Variants in PCNT observed in about 807,000 individuals in gnomAD.
PCNT encodes kendrin.
Under a neutral mutation model 380.4 loss-of-function variants are expected in PCNT, and 319 were observed. The observed-to-expected ratio is 0.84, with a 90% CI of 0.77 to 0.92. The LOEUF (loss-of-function observed/expected upper bound fraction) is 0.92, where lower values mean the gene tolerates loss of function less well. Among genes scored for constraint, PCNT ranks in the 40% least tolerant of loss-of-function variants. The pLI is 0.00. For missense variants in PCNT, 4,400 were observed against 4,255.3 expected (o/e 1.03, Z -0.95); for synonymous variants, 1,845 against 1,735.2 (o/e 1.06, Z -1.57).
rs755446958 is a variant in PCNT at position 46,346,693 on chromosome 21, G to A, written c.721-50G>A. On this transcript the variant is annotated intron_variant, in intron 4 of 46. Coordinates refer to ENST00000359568, the MANE Select transcript of PCNT (RefSeq NM_006031.6). The stretch of plus-strand genomic sequence containing the variant: ...TCATGCTTCTGTGTCTCCCTGATGC[G>A]CCCTGGTTCTGACCATGGGCCCTTA... The A allele has an allele frequency of 7.0e-6, 11 of 1,566,446 alleles. No individual in the cohort carries two copies. The African/African-American group carries it at 1.1e-4, about 15-fold the overall frequency.
intron 2 of PCNT, among the ~76,000 whole-genome samples, chr21:46,327,916 T>G (rs1193929184): frequency 6.6e-6 from 1 of 152,212 alleles, no homozygotes; most frequent in South Asian, 2.1e-4. Context: ...GAGTGCACAC[T>G]GAGTCCTGAA....
At chr21:46,337,182 G>C (rs994666271) in intron 3 of PCNT, among the ~76,000 whole-genome samples, 12 of 151,954 alleles carry the variant, frequency 7.9e-5, no homozygotes, top group Admixed American at 7.9e-4. Flanking sequence ...TCACCATGTT[G>C]GTCAGGCTGG....
chr21:46,416,700 G>C lies in PCNT; in HGVS notation c.6782G>C (p.Gly2261Ala). The change falls in exon 30 of 47, where the codon GGG becomes GCG. Residue 2261 changes from glycine (G) to alanine (A), a missense_variant. Physicochemically the swap from Gly to Ala is moderately conservative, Grantham distance 60. Coordinates refer to ENST00000359568, the MANE Select transcript of PCNT (RefSeq NM_006031.6). Reference sequence around the variant, plus strand: ...CTGTGCAGTGCCGACACATCCCTGGGGGACAGGGCGGACACCTCGCTGCCA... The same window carrying C: ...CTGTGCAGTGCCGACACATCCCTGGCGGACAGGGCGGACACCTCGCTGCCA... ...LSLCSADTSL[G>A]DRADTSLPQT... 3 of 1,568,518 alleles carry C rather than the reference G, an allele frequency of 1.9e-6. No individual in the cohort carries two copies. The highest frequency in any genetic ancestry group is 2.6e-6 in the Non-Finnish European group (3 of 1,156,594).
At chr21:46,329,949 G>A (rs1456662995) in intron 2 of PCNT, among the ~76,000 whole-genome samples, 1 of 152,186 alleles carries the variant, frequency 6.6e-6, no homozygotes, top group East Asian at 1.9e-4. Flanking sequence ...CCTCTGCACA[G>A]TTACAGCTTG....
In PCNT at chr21:46,436,942, C is replaced by T. The variant is rs369581043; in HGVS notation, c.8997-37C>T. On this transcript the variant is annotated intron_variant, in intron 39 of 46. Transcript: ENST00000359568. ...AGTTTTGCATAATGGTCACTTGGGG[C>T]GCGTATGCAACTTTGAGTGCCCATT... 73 of 1,408,876 alleles carry T rather than the reference C, an allele frequency of 5.2e-5. 1 individual carries two copies. The highest frequency in any genetic ancestry group is 4.5e-4 in the South Asian group (39 of 87,070). 87.3% of individuals were successfully genotyped at this position (1,408,876 alleles called of 1,614,324 possible). A position where few individuals can be genotyped will look rare whatever the true frequency, so the allele number is the denominator to read the frequency against.
chr21:46,352,151 G>A (rs2084296298), intron 9 of PCNT, among the ~76,000 whole-genome samples: 1 of 152,252 alleles, frequency 6.6e-6, no homozygotes, highest in South Asian at 2.1e-4. Flanking sequence ...AGGAGGGTGA[G>A]CCACTGCGTG....
intron 15 of PCNT, among the ~76,000 whole-genome samples, chr21:46,378,436 G>A (rs528681117): frequency 1.8e-4 from 27 of 152,298 alleles, no homozygotes; most frequent in African/African-American, 4.1e-4. Context: ...AAGTAAAGGT[G>A]ACTTGAACAC....
rs1000578469 is a variant in PCNT, at chr21:46,388,962, C to G, written c.3607+78C>G. On this transcript the variant is annotated intron_variant, in intron 18 of 46. Transcript: ENST00000359568. This position sits in a 1 kb window ranked among gnomAD's most constrained non-coding sequence, Gnocchi z 4.2. The stretch of plus-strand genomic sequence containing the variant: ...TCCTGGAGCTCTCTGAGAGGAGCCT[C>G]CGTATTGGGCGATGCCCTTGGGAGC... 7.9e-6 allele frequency: 12 copies of G among 1,526,164 alleles called. No individual in the cohort carries two copies. The Middle Eastern group carries it at 9.2e-4, about 117-fold the overall frequency. The allele number at this position is 1,526,164 out of a possible 1,614,324, so 94.5% of individuals were successfully genotyped here.
chr21:46,324,742 C>A (rs924547575), intron 1 of PCNT: 14 of 355,862 alleles, frequency 3.9e-5, no homozygotes, highest in African/African-American at 2.2e-4. Flanking sequence ...CTGGGGCGGG[C>A]GGCCGGTATT....
At chr21:46,410,135 G>A (rs2086738499) in intron 27 of PCNT, among the ~76,000 whole-genome samples, 1 of 152,240 alleles carries the variant, frequency 6.6e-6, no homozygotes, top group Non-Finnish European at 1.5e-5. Context: ...CACACAGTAA[G>A]GCACGCGACG....
intron 1 of PCNT, among the ~76,000 whole-genome samples, chr21:46,325,558 A>G (rs2083361425): frequency 6.6e-6 from 1 of 152,206 alleles, no homozygotes; most frequent in Non-Finnish European, 1.5e-5. Flanking sequence ...TCTTGTGTAA[A>G]TGGCCTTGTG....
At chr21:46,426,033 G>A (rs890315418) in intron 33 of PCNT, 62 bp downstream of exon 33, 11 of 1,531,748 alleles carry the variant, frequency 7.2e-6, no homozygotes, top group South Asian at 4.5e-5. Context: ...GGTAATGGCC[G>A]CGTCCTTAGG....
At position 46,436,156 on chromosome 21, in the gene PCNT, C is replaced by T; in HGVS notation, c.8996+8C>T. On this transcript the variant is annotated splice_region_variant and intron_variant, in intron 39 of 46. Transcript: ENST00000359568. Reference sequence around the variant, plus strand: ...CAGCCAGGCCGTGGACAGGTGTGCACCCACGCCACCTGGCGCTCACTGGTC... The same window carrying T: ...CAGCCAGGCCGTGGACAGGTGTGCATCCACGCCACCTGGCGCTCACTGGTC... 6.2e-7 allele frequency: 1 copy of T among 1,604,596 alleles called. No homozygotes were observed. The highest frequency in any genetic ancestry group is 8.5e-7 in the Non-Finnish European group (1 of 1,179,708).
intron 16 of PCNT, among the ~76,000 whole-genome samples, chr21:46,383,522 C>A (rs2147186971): frequency 7.0e-6 from 1 of 143,506 alleles, no homozygotes; most frequent in South Asian, 2.4e-4. Context: ...GTTGTATATT[C>A]AGTGGCGGAA....
At position 46,425,710 on chromosome 21, in the gene PCNT, C is replaced by T; in HGVS notation, c.7180-121C>T. On this transcript the variant is annotated intron_variant, in intron 32 of 46. Transcript: ENST00000359568. This position sits in a 1 kb window ranked among gnomAD's most constrained non-coding sequence, Gnocchi z 4.2. ...CTGTACGAAGCCGAGGCGGTGCCCT[C>T]CCTCTCCACAGCTGCCCGCCCTTCA... 2 of 1,426,186 alleles carry T rather than the reference C, an allele frequency of 1.4e-6. No homozygotes were observed. The allele number at this position is 1,426,186 out of a possible 1,614,324, so 88.3% of individuals were successfully genotyped here. A position where few individuals can be genotyped will look rare whatever the true frequency, so the allele number is the denominator to read the frequency against.
chr21:46,333,446 A>AC (rs1210370733), intron 2 of PCNT, among the ~76,000 whole-genome samples: 3 of 151,996 alleles, frequency 2.0e-5, no homozygotes, highest in African/African-American at 7.3e-5. Context: ...AAGACAAAAA[A>AC]GAAAAAAAAA....
chr21:46,434,090 T>G (rs1367083781), intron 38 of PCNT, among the ~76,000 whole-genome samples: 1 of 152,230 alleles, frequency 6.6e-6, no homozygotes, highest in African/African-American at 2.4e-5. Flanking sequence ...CAGAGTGTTT[T>G]TTACTGAGGA....
chr21:46,380,168 T>TG, intron 15 of PCNT, among the ~76,000 whole-genome samples: 2 of 111,538 alleles, frequency 1.8e-5, no homozygotes, highest in Middle Eastern at 3.7e-3. Flanking sequence ...TTTTTTTTTT[T>TG]TTTTTTTTTT....
At chr21:46,373,125 GTCC>G (rs747741930) in intron 15 of PCNT, among the ~76,000 whole-genome samples, 32 of 152,010 alleles carry the variant, frequency 2.1e-4, no homozygotes, top group Non-Finnish European at 3.1e-4. Context: ...GCCTCAAGTG[GTCC>G]TCCTGCCTCA....
Sources: allele counts gnomAD v4.1 joint callset (sites outside exome capture counted in the v4.1 genomes callset), GRCh38; gene constraint gnomAD v4.1.1; non-coding constraint Gnocchi (gnomAD v3.1); transcripts MANE v1.5; gene names NCBI Gene and HGNC (gene_info 2026-07-23, HGNC 2026-07-21).